Variants in ATG16L1 observed in about 807,000 individuals in gnomAD.
The protein encoded by ATG16L1 is autophagy-related protein 16-1.
A neutral mutation model predicts 88.5 loss-of-function variants in ATG16L1; 37 were observed. The observed-to-expected ratio is 0.42, with a 90% CI of 0.32 to 0.55. The LOEUF is 0.55. ATG16L1 is among the 20% of genes least tolerant of loss of function. The pLI is 0.13. For missense variants in ATG16L1, 554 were observed against 752.8 expected, an observed-to-expected ratio of 0.74 and a Z score of 3.09; for synonymous variants, 301 against 281.0, an observed-to-expected ratio of 1.07 and a Z score of -0.71.
At chr2:233,281,999 T>G (rs914337396) in intron 11 of ATG16L1, among the ~76,000 whole-genome samples, 1 of 152,256 alleles carries the variant, frequency 6.6e-6, no homozygotes, top group African/African-American at 2.4e-5. Flanking sequence ...CAGTGCCTAT[T>G]AGGTTCTAAA....
chr2:233,281,045 T>C (rs531914984), intron 10 of ATG16L1, 60 bp from the exon 11 acceptor site: 25 of 1,123,338 alleles, frequency 2.2e-5, no homozygotes, highest in Non-Finnish European at 3.1e-5. Flanking sequence ...GTGCCCTGTT[T>C]TAATGTATTT....
chr2:233,259,455 C>T lies in ATG16L1; in HGVS notation c.209+3260C>T, dbSNP rs1051786494. The stretch of plus-strand genomic sequence containing the variant: ...CTGCCTCCTAGTTCCTGGAGAAAAA[C>T]TTTAAGCACCAGTTATTGTAGTGAG... On this transcript the variant is annotated intron_variant, in intron 2 of 17. Coordinates refer to ENST00000392017, the MANE Select transcript of ATG16L1 (RefSeq NM_030803.7). Among the ~76,000 whole-genome samples the T allele has an allele frequency of 2.6e-5, 4 of 152,278 alleles. No individual in the cohort carries two copies. The South Asian group carries it at 8.3e-4, about 32-fold the overall frequency.
At chr2:233,285,498 G>T (rs747722177) in intron 12 of ATG16L1, among the ~76,000 whole-genome samples, 4 of 152,220 alleles carry the variant, frequency 2.6e-5, no homozygotes, top group African/African-American at 9.6e-5. Flanking sequence ...GGAGCAGGGC[G>T]CAGGCTGCTG....
chr2:233,263,300 A>C, intron 3 of ATG16L1, 65 bp downstream of exon 3: 2 of 1,446,668 alleles, frequency 1.4e-6, no homozygotes, highest in Non-Finnish European at 1.9e-6. Flanking sequence ...GGAGCGGGGG[A>C]GCTCAGTCAC....
intron 12 of ATG16L1, among the ~76,000 whole-genome samples, chr2:233,286,621 CTTTTTTTTTT>C (rs10676895): frequency 1.1e-5 from 1 of 93,296 alleles, no homozygotes; most frequent in African/African-American, 4.7e-5. Context: ...GAAGCCCAAA[CTTTTTTTTTT>C]TTTTTTTTTT....
intron 12 of ATG16L1, among the ~76,000 whole-genome samples, chr2:233,289,376 G>GGT (rs757994844): frequency 1.8e-5 from 1 of 55,226 alleles, no homozygotes; most frequent in Non-Finnish European, 4.6e-5. Flanking sequence ...TCCTGTTTGG[G>GGT]ATGTGTGTGT....
At chr2:233,266,225 AGGC>A in intron 5 of ATG16L1, 1 of 136,216 alleles carries the variant, frequency 7.3e-6, no homozygotes, top group South Asian at 2.3e-4. Context: ...GCGGAGGCGG[AGGC>A]GGGAGGATCG....
chr2:233,261,723 T>C (rs13391356), intron 2 of ATG16L1, among the ~76,000 whole-genome samples: 66,362 of 152,008 alleles, frequency 0.44, 15,154 homozygotes, highest in Non-Finnish European at 0.52. Flanking sequence ...AAGCTTTCCC[T>C]AGACAGTGGT....
At chr2:233,288,293 C>G (rs555729484) in intron 12 of ATG16L1, among the ~76,000 whole-genome samples, 1 of 152,288 alleles carries the variant, frequency 6.6e-6, no homozygotes, top group East Asian at 1.9e-4. Context: ...AAATCTAACC[C>G]TGAACCATGA....
Position 233,251,747 on chromosome 2 carries a change from G to C in ATG16L1, c.-81G>C. ...CGGGATTGCCGGCATTCCCGCTTCT[G>C]CTGGTTGCTTCATGCTGCAGGCTGC... On this transcript the variant is annotated 5_prime_UTR_variant, in exon 1 of 18. Transcript: ENST00000392017. The C allele has an allele frequency of 7.7e-7, 1 of 1,306,972 alleles. No individual in the cohort carries two copies. Among genetic ancestry groups the C allele is most frequent in the African/African-American group, 1.5e-5 (1 of 67,490 alleles). 81.0% of individuals were successfully genotyped at this position (1,306,972 alleles called of 1,614,324 possible).
intron 4 of ATG16L1, among the ~76,000 whole-genome samples, chr2:233,264,413 A>G (rs1697425993): frequency 6.6e-6 from 1 of 152,118 alleles, no homozygotes; most frequent in Non-Finnish European, 1.5e-5. Flanking sequence ...GCCCTTGGGA[A>G]AAGGGAAATG....
At chr2:233,283,471 A>T (rs939668951) in intron 12 of ATG16L1, among the ~76,000 whole-genome samples, 16 of 151,092 alleles carry the variant, frequency 1.1e-4, no homozygotes, top group African/African-American at 3.4e-4. Flanking sequence ...AAAAAAAAAA[A>T]TTTTTTTTTA....
chr2:233,257,113 T>TCCGCCTCCTGGGTTCAAGCC lies in ATG16L1; in HGVS notation c.209+919_209+938dup, dbSNP rs1696843821. Among the ~76,000 whole-genome samples the TCCGCCTCCTGGGTTCAAGCC allele has an allele frequency of 8.5e-5, 13 of 152,128 alleles. No individual in the cohort carries two copies. The South Asian group carries it at 2.5e-3, about 29-fold the overall frequency. On this transcript the variant is annotated intron_variant, in intron 2 of 17. Coordinates refer to ENST00000392017, the MANE Select transcript of ATG16L1 (RefSeq NM_030803.7). The stretch of plus-strand genomic sequence containing the variant: ...GGCGCGTTCTGGGCTCAGTGCAAGC[T>TCCGCCTCCTGGGTTCAAGCC]CCGCCTCCTGGGTTCAAGCCATTCT...
At chr2:233,252,917 T>C (rs917197856) in intron 1 of ATG16L1, among the ~76,000 whole-genome samples, 1 of 152,222 alleles carries the variant, frequency 6.6e-6, no homozygotes, top group Non-Finnish European at 1.5e-5. Context: ...ATATTCAGAA[T>C]AATAATTGCT....
intron 16 of ATG16L1, among the ~76,000 whole-genome samples, 175 bp from the exon 17 acceptor site, chr2:233,293,081 C>A (rs1699571936): frequency 6.6e-6 from 1 of 152,136 alleles, no homozygotes; most frequent in Admixed American, 6.5e-5. Flanking sequence ...GGCTGAAATA[C>A]TGGGGAAAAG....
intron 5 of ATG16L1, among the ~76,000 whole-genome samples, chr2:233,268,653 G>A (rs568750685): frequency 4.6e-5 from 7 of 152,270 alleles, no homozygotes; most frequent in Admixed American, 1.3e-4. Context: ...ACCTTATACC[G>A]AGATTCTGGT....
intron 1 of ATG16L1, among the ~76,000 whole-genome samples, chr2:233,254,470 T>C (rs1212160467): frequency 6.6e-6 from 1 of 152,204 alleles, no homozygotes; most frequent in East Asian, 1.9e-4. Context: ...CTGGAGTCTA[T>C]TCTCTGTTCA....
In ATG16L1 at chr2:233,264,093, C is replaced by T. The variant is rs201210725; in HGVS notation, c.389+28C>T. 1.9e-6 allele frequency: 3 copies of T among 1,612,040 alleles called. No homozygotes were observed. The East Asian group carries it at 6.7e-5, about 36-fold the overall frequency. ...GAGTAGAGACCCCGCCTCCTTGGAG[C>T]CTGGTCATTGGGTCCCATGTCCTTT... On this transcript the variant is annotated intron_variant, in intron 4 of 17. Coordinates refer to ENST00000392017, the MANE Select transcript of ATG16L1 (RefSeq NM_030803.7).
At chr2:233,281,275 C>T (rs996427183) in intron 11 of ATG16L1, 100 bp downstream of exon 11, 1 of 922,178 alleles carries the variant, frequency 1.1e-6, no homozygotes, top group Non-Finnish European at 1.6e-6. Context: ...CTCTGCCATT[C>T]TCTGTATCTT....
Sources: gnomAD v4.1 joint callset for allele counts (sites outside exome capture counted in the v4.1 genomes callset) on GRCh38, gnomAD v4.1.1 for gene constraint, MANE v1.5 for transcripts, NCBI Gene and HGNC (gene_info 2026-07-23, HGNC 2026-07-21) for gene names.